Variants in VTI1B observed in about 807,000 individuals in gnomAD.
VTI1B encodes the protein vesicle transport through interaction with t-SNAREs 1B.
Under a neutral mutation model 28.6 loss-of-function variants are expected in VTI1B, and 18 were observed. That is an observed-to-expected ratio of 0.63 (90% confidence interval 0.43 to 0.93). The LOEUF (loss-of-function observed/expected upper bound fraction) is 0.93, where lower values mean the gene tolerates loss of function less well. Ranked by LOEUF, VTI1B falls within the 40% of genes least tolerant of loss-of-function variation. VTI1B has a pLI of 0.00. For synonymous variants in VTI1B, 100 were observed against 107.9 expected (o/e 0.93, Z 0.46); for missense variants, 283 against 297.0 (o/e 0.95, Z 0.35).
At chr14:67,656,377 ACCCCATACTTG>A (rs748439666) in intron 4 of VTI1B, 28 bp downstream of exon 4, 6 of 1,510,712 alleles carry the variant, frequency 4.0e-6, no homozygotes, top group Non-Finnish European at 3.6e-6. Flanking sequence ...CCCCCTAATT[ACCCCATACTTG>A]CCCCTTTCCC....
chr14:67,650,531 G>A lies in VTI1B; in HGVS notation c.*854C>T, dbSNP rs1328064727. The A allele has an allele frequency of 4.9e-6, 3 of 609,672 alleles. No individual in the cohort carries two copies. In the Admixed American group the frequency reaches 8.6e-5, roughly 18 times the overall value. The allele number at this position is 609,672 out of a possible 1,614,324, so 37.8% of individuals were successfully genotyped here. On this transcript the variant is annotated 3_prime_UTR_variant, in exon 6 of 6. Transcript: ENST00000554659. ...TCTTTTAATCTACTATAGCACAACA[G>A]TGTTTTAACTTAAATTCATGGCCAA...
At chr14:67,661,403 C>T (rs2037332813) in intron 2 of VTI1B, among the ~76,000 whole-genome samples, 1 of 151,092 alleles carries the variant, frequency 6.6e-6, no homozygotes, top group Admixed American at 6.6e-5. Context: ...AACTGAGACT[C>T]ATGCATGTCT....
rs1379978900 is a variant in VTI1B, at chr14:67,650,453, T to G, written c.*932A>C. The G allele has an allele frequency of 2.1e-6, 1 of 465,744 alleles. No individual in the cohort carries two copies. Among genetic ancestry groups the G allele is most frequent in the Non-Finnish European group, 3.9e-6 (1 of 258,630 alleles). The allele number at this position is 465,744 out of a possible 1,614,324, so 28.9% of individuals were successfully genotyped here. ...CCTTTTCCAGAACGCCTGACAATTATGCCTGTTATGTTAGTTGAACAGGGA... is the reference window on the plus strand; with the variant it reads ...CCTTTTCCAGAACGCCTGACAATTAGGCCTGTTATGTTAGTTGAACAGGGA... On this transcript the variant is annotated 3_prime_UTR_variant, in exon 6 of 6. Coordinates refer to ENST00000554659, the MANE Select transcript of VTI1B (RefSeq NM_006370.3).
Position 67,650,969 on chromosome 14 carries a change from A to G in VTI1B, c.*416T>C, listed in dbSNP as rs1202059933. On this transcript the variant is annotated 3_prime_UTR_variant, in exon 6 of 6. Transcript: ENST00000554659. ...TCACAACAGGCATTCCAGAATTATG[A>G]GGCATTGAGGGGATAGATGAATACT... is the stretch of plus-strand genomic sequence containing the variant. 27 of 1,551,220 alleles carry G rather than the reference A, an allele frequency of 1.7e-5. No individual in the cohort carries two copies. Among genetic ancestry groups the G allele is most frequent in the Non-Finnish European group, 2.1e-5 (24 of 1,128,906 alleles).
chr14:67,651,571 A>C (rs1175325883), intron 5 of VTI1B, 90 bp from the exon 6 acceptor site: 1 of 1,429,352 alleles, frequency 7.0e-7, no homozygotes, highest in Non-Finnish European at 9.5e-7. Context: ...CCACGGCTGG[A>C]TACTCTGAGG....
At chr14:67,652,631 C>G (rs1418185977) in intron 5 of VTI1B, 5 of 152,204 alleles carry the variant, frequency 3.3e-5, no homozygotes, top group African/African-American at 1.2e-4. Flanking sequence ...TCAGTTACTG[C>G]CCAAGAACCC....
chr14:67,668,027 G>A (rs1276017508), intron 1 of VTI1B, among the ~76,000 whole-genome samples: 2 of 152,076 alleles, frequency 1.3e-5, no homozygotes, highest in Admixed American at 6.6e-5. Flanking sequence ...GGTGTTTATC[G>A]GCCAGCTGAT....
intron 1 of VTI1B, among the ~76,000 whole-genome samples, chr14:67,672,158 G>A (rs906252644): frequency 6.7e-6 from 1 of 149,938 alleles, no homozygotes; most frequent in African/African-American, 2.5e-5. Context: ...TTGCTCTGTG[G>A]TCCAGGCTAG....
Position 67,647,165 on chromosome 14 carries a change from T to C in VTI1B, c.*4220A>G, listed in dbSNP as rs1208922770. The C allele has an allele frequency of 1.7e-6, 1 of 577,046 alleles. No homozygotes were observed. Among genetic ancestry groups the C allele is most frequent in the Admixed American group, 3.2e-5 (1 of 30,958 alleles). The allele number at this position is 577,046 out of a possible 1,614,324, so 35.7% of individuals were successfully genotyped here. On this transcript the variant is annotated 3_prime_UTR_variant, in exon 6 of 6. Transcript: ENST00000554659. ...TTTTAAATAGTTCAGAAAGGCAAAA[T>C]TTGAAACACAGGTCATATTCTTCCT...
chr14:67,653,490 G>A lies in VTI1B; in HGVS notation c.549C>T (p.Asn183=). The change falls in exon 5 of 6, where the codon AAC becomes AAT. Residue 183 remains asparagine, a synonymous_variant. Transcript: ENST00000554659. Reference sequence around the variant, plus strand: ...GACTTTTGCTCAAGTTTTCACTTGTGTTTACCAGCTGAGAAGAGAAAATAG... The same window carrying A: ...GACTTTTGCTCAAGTTTTCACTTGTATTTACCAGCTGAGAAGAGAAAATAG... ...QLERTKSRLV[N]TSENLSKSRK... is the part of the protein sequence containing the mutation. 1 of 1,613,712 alleles carries A rather than the reference G, an allele frequency of 6.2e-7. No homozygotes were observed. The highest frequency in any genetic ancestry group is 8.5e-7 in the Non-Finnish European group (1 of 1,179,698).
Position 67,674,547 on chromosome 14 carries a change from A to G in VTI1B, c.-58T>C. The stretch of plus-strand genomic sequence containing the variant: ...GATTCGGGGCCCTGGGCCCTTTCCT[A>G]GCCCGGCGGTCAGCCGCCCAGCCCA... On this transcript the variant is annotated 5_prime_UTR_variant, in exon 1 of 6. Coordinates refer to ENST00000554659, the MANE Select transcript of VTI1B (RefSeq NM_006370.3). 1 of 1,461,490 alleles carries G rather than the reference A, an allele frequency of 6.8e-7. No individual in the cohort carries two copies. Among genetic ancestry groups the G allele is most frequent in the Non-Finnish European group, 9.1e-7 (1 of 1,099,030 alleles). 90.5% of individuals were successfully genotyped at this position (1,461,490 alleles called of 1,614,324 possible).
chr14:67,663,840 G>A (rs1353117520), intron 1 of VTI1B, among the ~76,000 whole-genome samples: 1 of 152,168 alleles, frequency 6.6e-6, no homozygotes, highest in East Asian at 1.9e-4. Flanking sequence ...AGGTTCTGGT[G>A]CCAGGTTCGG....
At chr14:67,669,621 G>A (rs1156582365) in intron 1 of VTI1B, among the ~76,000 whole-genome samples, 1 of 152,086 alleles carries the variant, frequency 6.6e-6, no homozygotes, top group Non-Finnish European at 1.5e-5. Flanking sequence ...GCTATATTAT[G>A]TCATGATCTC....
rs2037170525 is a variant in VTI1B, at chr14:67,651,183, G to GTATATCATACTGGTCTTGTTGCTGT, written c.*177_*201dup. Reference sequence around the variant, plus strand: ...GTCATAAACAGCATTTATTACCTTGGTATATCATACTGGTCTTGTTGCTGT... The same window carrying GTATATCATACTGGTCTTGTTGCTGT: ...GTCATAAACAGCATTTATTACCTTGGTATATCATACTGGTCTTGTTGCTGTTATATCATACTGGTCTTGTTGCTGT... On this transcript the variant is annotated 3_prime_UTR_variant, in exon 6 of 6. Transcript: ENST00000554659. 1 of 1,038,200 alleles carries GTATATCATACTGGTCTTGTTGCTGT rather than the reference G, an allele frequency of 9.6e-7. No individual in the cohort carries two copies. Among genetic ancestry groups the GTATATCATACTGGTCTTGTTGCTGT allele is most frequent in the African/African-American group, 1.6e-5 (1 of 61,662 alleles). 64.3% of individuals were successfully genotyped at this position (1,038,200 alleles called of 1,614,324 possible).
chr14:67,656,900 C>T (rs896548154), intron 3 of VTI1B, among the ~76,000 whole-genome samples: 5 of 152,182 alleles, frequency 3.3e-5, no homozygotes, highest in Non-Finnish European at 7.3e-5. Flanking sequence ...GGTCCATGTG[C>T]CTCCTGGACT....
At chr14:67,662,330 A>G (rs1658105890) in intron 2 of VTI1B, 147 bp downstream of exon 2, 8 of 710,070 alleles carry the variant, frequency 1.1e-5, no homozygotes, top group Non-Finnish European at 1.9e-5. Context: ...CTCAACAACC[A>G]TCCCCATCAA....
chr14:67,654,751 C>G (rs1001392546), intron 4 of VTI1B, among the ~76,000 whole-genome samples: 1 of 151,994 alleles, frequency 6.6e-6, no homozygotes, highest in Non-Finnish European at 1.5e-5. Flanking sequence ...AAATTTTGCC[C>G]GGGCGCAGTG....
intron 1 of VTI1B, among the ~76,000 whole-genome samples, chr14:67,673,309 A>G (rs1186910224): frequency 2.6e-5 from 4 of 152,026 alleles, no homozygotes; most frequent in Non-Finnish European, 4.4e-5. Context: ...GTGCCACTGC[A>G]CTCCAGCCTG....
chr14:67,670,090 G>A (rs1299810842), intron 1 of VTI1B, among the ~76,000 whole-genome samples: 1 of 152,318 alleles, frequency 6.6e-6, no homozygotes, highest in African/African-American at 2.4e-5. Flanking sequence ...AGACAGGAGT[G>A]AGAACCTGTG....
Sources: gnomAD v4.1 joint callset for allele counts (sites outside exome capture counted in the v4.1 genomes callset) on GRCh38, gnomAD v4.1.1 for gene constraint, MANE v1.5 for transcripts, NCBI Gene and HGNC (gene_info 2026-07-23, HGNC 2026-07-21) for gene names.